HMCN2: variants seen among roughly 807,000 people sequenced by gnomAD.
HMCN2 encodes the protein hemicentin 2.
A neutral mutation model predicts 377.5 loss-of-function variants in HMCN2; 325 were observed. The observed-to-expected ratio is 0.86, with a 90% confidence interval of 0.79 to 0.94. The LOEUF (loss-of-function observed/expected upper bound fraction) is 0.94, where lower values mean the gene tolerates loss of function less well. HMCN2 is among the 40% of genes least tolerant of loss of function. The probability of loss-of-function intolerance (pLI) is 0.00; values close to 1 mark genes in which losing one functional copy is unlikely to be tolerated. For missense variants in HMCN2, 4,543 were observed against 4,725.3 expected (o/e 0.96, Z 1.13); for synonymous variants, 2,007 against 2,046.8 (o/e 0.98, Z 0.53).
chr9:130,312,472 A>C (rs966127866), intron 15 of HMCN2, among the ~76,000 whole-genome samples: 3 of 135,476 alleles, frequency 2.2e-5, no homozygotes. Flanking sequence ...TTATTTATTT[A>C]TTTCCTTTCT....
chr9:130,398,476 C>T (rs1842715966), intron 74 of HMCN2, 75 bp from the exon 75 acceptor site: 4 of 842,172 alleles, frequency 4.7e-6, no homozygotes, highest in Middle Eastern at 4.9e-4. Context: ...TGGCTTTGCC[C>T]CTGGGCACAG....
At chr9:130,349,458 G>A (rs765180620) in intron 28 of HMCN2, 79 bp from the exon 29 acceptor site, 191 of 1,262,462 alleles carry the variant, frequency 1.5e-4, no homozygotes, top group Non-Finnish European at 1.9e-4. Context: ...TGGGGGGTCT[G>A]CACAGACAAA....
Position 130,425,005 on chromosome 9 carries a change from G to T in HMCN2, c.13520-4G>T. 6.5e-7 allele frequency: 1 copy of T among 1,542,792 alleles called. No individual in the cohort carries two copies. The highest frequency in any genetic ancestry group is 8.8e-7 in the Non-Finnish European group (1 of 1,142,742). On this transcript the variant is annotated splice_polypyrimidine_tract_variant and splice_region_variant and intron_variant, in intron 88 of 97. Transcript: ENST00000683500. ...ACTCTGGGCTGGGTGGGGATGGTTT[G>T]CAGGGGAGCTGCTCACGATGACCCA...
In HMCN2 at chr9:130,356,203, C is replaced by T. The variant is rs761985027; in HGVS notation, c.5371C>T (p.Gln1791Ter). The T allele has an allele frequency of 1.2e-5, 16 of 1,303,288 alleles. No individual in the cohort carries two copies. In the Admixed American group the frequency reaches 3.7e-4, roughly 30 times the overall value. 80.7% of individuals were successfully genotyped at this position (1,303,288 alleles called of 1,614,324 possible). The change falls in exon 34 of 98, where the codon CAG becomes TAG. Residue 1791 changes from glutamine to a stop codon, truncating the protein, a stop_gained. Coordinates refer to ENST00000683500, the MANE Select transcript of HMCN2 (RefSeq NM_001291815.2). LOFTEE classifies it high-confidence loss of function. Reference protein sequence around the residue: ...ELDHSGLFACQATNEAGTAGA... With the variant: ...ELDHSGLFAC ...GGACCACTCAGGCCTCTTCGCCTGC[C>T]AGGCCACCAATGAGGCGGGCACTGC... is the stretch of plus-strand genomic sequence containing the variant.
intron 54 of HMCN2, among the ~76,000 whole-genome samples, chr9:130,381,561 GT>G (rs1215060932): frequency 6.6e-6 from 1 of 152,144 alleles, no homozygotes; most frequent in Non-Finnish European, 1.5e-5. Flanking sequence ...TAGAGATGGG[GT>G]TTCGCCGTGT....
chr9:130,390,733 G>C (rs1842276250), intron 62 of HMCN2, among the ~76,000 whole-genome samples: 1 of 152,118 alleles, frequency 6.6e-6, no homozygotes, highest in Non-Finnish European at 1.5e-5. Context: ...TAGAGGGGCA[G>C]GGCGGGGAGG....
rs1171901217 is a variant in HMCN2, at chr9:130,355,875, G to A, written c.5255+21G>A. 8.0e-6 allele frequency: 10 copies of A among 1,256,812 alleles called. 1 individual carries two copies. The South Asian group carries it at 1.3e-4, about 16-fold the overall frequency. 77.9% of individuals were successfully genotyped at this position (1,256,812 alleles called of 1,614,324 possible). A position where few individuals can be genotyped will look rare whatever the true frequency, so the allele number is the denominator to read the frequency against. ...ATCCAGTGAGTCTGGGGTGGTGGAGGCCAGGGCTGGGGGTAGGCAGAGAGC... is the reference window on the plus strand; with the variant it reads ...ATCCAGTGAGTCTGGGGTGGTGGAGACCAGGGCTGGGGGTAGGCAGAGAGC... On this transcript the variant is annotated intron_variant, in intron 33 of 97. Coordinates refer to ENST00000683500, the MANE Select transcript of HMCN2 (RefSeq NM_001291815.2).
chr9:130,406,964 C>A (rs1487655123), intron 82 of HMCN2: 1 of 153,356 alleles, frequency 6.5e-6, no homozygotes, highest in African/African-American at 2.4e-5. Context: ...TAGAATCCTT[C>A]TCTCGGCTGG....
Position 130,353,018 on chromosome 9 carries a change from G to T in HMCN2, c.4677G>T (p.Val1559=), listed in dbSNP as rs1839815556. The stretch of plus-strand genomic sequence containing the variant: ...AGCTCCTGTGTGAGGCTCGAGGAGT[G>T]CCCACCCCAAACATCACCTGGTTCA... ...LVQLLCEARG[V]PTPNITWFKD... is the part of the protein sequence containing the mutation. Residue 1559 remains valine (V), a synonymous_variant, in exon 31 of 98, where the codon GTG becomes GTT. Transcript: ENST00000683500. The T allele has an allele frequency of 7.7e-7, 1 of 1,304,114 alleles. No individual in the cohort carries two copies. 80.8% of individuals were successfully genotyped at this position (1,304,114 alleles called of 1,614,324 possible). A position where few individuals can be genotyped will look rare whatever the true frequency, so the allele number is the denominator to read the frequency against.
chr9:130,431,491 GCCGGGCTCAGGCCGCCGCCCA>G lies in HMCN2; in HGVS notation c.14767+6_14767+26del, dbSNP rs1844756452. 1 of 1,548,224 alleles carries G rather than the reference GCCGGGCTCAGGCCGCCGCCCA, an allele frequency of 6.5e-7. No individual in the cohort carries two copies. Among genetic ancestry groups the G allele is most frequent in the African/African-American group, 1.4e-5 (1 of 73,172 alleles). On this transcript the variant is annotated splice_donor_region_variant and intron_variant, in intron 96 of 97. Transcript: ENST00000683500. ...CCAGCGGGAAGAACTGCCAGGGTGA[GCCGGGCTCAGGCCGCCGCCCA>G]AACACCCGTGGGGCTAGGGCAGGCA...
intron 22 of HMCN2, among the ~76,000 whole-genome samples, chr9:130,335,155 C>T (rs921581902): frequency 1.3e-5 from 2 of 152,116 alleles, no homozygotes; most frequent in Non-Finnish European, 2.9e-5. Context: ...TCCAGAACTC[C>T]AGTTTCTAGC....
intron 73 of HMCN2, among the ~76,000 whole-genome samples, chr9:130,397,293 G>A (rs73551757): frequency 0.18 from 27,068 of 152,078 alleles, 3,103 homozygotes; most frequent in African/African-American, 0.32. Flanking sequence ...TCACTATCAC[G>A]AGATCAGCAC....
chr9:130,369,711 C>T lies in HMCN2; in HGVS notation c.6929C>T (p.Ala2310Val). The part of the protein sequence containing the change: ...TWERDGQPVG[A>V]ELGLQLQNQG... ...GAGCGGGACGGCCAGCCCGTGGGGGCTGAACTGGGCCTGCAGCTGCAGAAC... is the reference window on the plus strand; with the variant it reads ...GAGCGGGACGGCCAGCCCGTGGGGGTTGAACTGGGCCTGCAGCTGCAGAAC... Residue 2310 changes from alanine to valine, a missense_variant, in exon 45 of 98, where the codon GCT (alanine) becomes GTT (valine). Physicochemically the swap from Ala to Val is moderately conservative, Grantham distance 64. This residue lies in a region of HMCN2 where 1,032 missense variants were observed against 1,285.1 expected (regional missense o/e 0.80). Transcript: ENST00000683500. The surrounding 1 kb of genome is among the most constrained non-coding windows in gnomAD (Gnocchi z 4.5). The T allele has an allele frequency of 4.1e-6, 4 of 986,026 alleles. No individual in the cohort carries two copies. Among genetic ancestry groups the T allele is most frequent in the Non-Finnish European group, 4.8e-6 (4 of 830,042 alleles). The allele number at this position is 986,026 out of a possible 1,614,324, so 61.1% of individuals were successfully genotyped here. A position where few individuals can be genotyped will look rare whatever the true frequency, so the allele number is the denominator to read the frequency against.
intron 49 of HMCN2, among the ~76,000 whole-genome samples, chr9:130,375,215 G>A (rs1025809293): frequency 2.0e-5 from 3 of 152,298 alleles, no homozygotes; most frequent in South Asian, 4.1e-4. Flanking sequence ...TACTCAGCGG[G>A]GAACAAAGCC....
rs950070911 is a variant in HMCN2, at chr9:130,352,961, C to A, written c.4620C>A (p.Gly1540=). The A allele has an allele frequency of 1.7e-5, 22 of 1,300,330 alleles. No individual in the cohort carries two copies. The highest frequency in any genetic ancestry group is 2.0e-5 in the Non-Finnish European group (20 of 986,820). 80.5% of individuals were successfully genotyped at this position (1,300,330 alleles called of 1,614,324 possible). A position where few individuals can be genotyped will look rare whatever the true frequency, so the allele number is the denominator to read the frequency against. Residue 1540 remains glycine, a synonymous_variant, in exon 31 of 98, where the codon GGC becomes GGA. Transcript: ENST00000683500. ...PPTIWGSNET[G]EVAVMEDHLV... ...CTATCTGGGGCTCCAACGAGACAGG[C>A]GAGGTGGCCGTCATGGAGGACCACC... is the stretch of plus-strand genomic sequence containing the variant.
chr9:130,431,816 C>T (rs1315543936), intron 96 of HMCN2, among the ~76,000 whole-genome samples: 1 of 152,242 alleles, frequency 6.6e-6, no homozygotes, highest in Admixed American at 6.5e-5. Flanking sequence ...ATGGGGCTAG[C>T]ACAGTCCCCT....
At chr9:130,419,065 C>G in intron 86 of HMCN2, 24 bp downstream of exon 86, 1 of 1,467,890 alleles carries the variant, frequency 6.8e-7, no homozygotes, top group Non-Finnish European at 9.0e-7. Flanking sequence ...CTGTCTGGAC[C>G]TTCGTGGACA....
rs1001120745 is a variant in HMCN2 at position 130,430,459 on chromosome 9, A to G, written c.14502A>G (p.Leu4834=). The change falls in exon 95 of 98, where the codon CTA becomes CTG. Residue 4834 remains leucine, a synonymous_variant. Coordinates refer to ENST00000683500, the MANE Select transcript of HMCN2 (RefSeq NM_001291815.2). The part of the protein sequence containing the change: ...NVTTVSHRGP[L]LPWLRPWASI... The stretch of plus-strand genomic sequence containing the variant: ...CCACCGTCAGCCACCGAGGCCCTCT[A>G]TTGCCCTGGCTGCGGCCCTGGGCCT... 14 of 1,550,390 alleles carry G rather than the reference A, an allele frequency of 9.0e-6. No homozygotes were observed. Among genetic ancestry groups the G allele is most frequent in the African/African-American group, 5.5e-5 (4 of 73,030 alleles).
At chr9:130,277,761 CATCACCACCACCATCATCAT>C (rs1834786909) in intron 1 of HMCN2, among the ~76,000 whole-genome samples, 1 of 129,286 alleles carries the variant, frequency 7.7e-6, no homozygotes, top group African/African-American at 2.9e-5. Context: ...CCATCATCAT[CATCACCACCACCATCATCAT>C]CACCACCACC....
Sources: allele counts gnomAD v4.1 joint callset (sites outside exome capture counted in the v4.1 genomes callset), GRCh38; gene constraint gnomAD v4.1.1; regional missense constraint gnomAD v4.1.1; non-coding constraint Gnocchi (gnomAD v3.1); transcripts MANE v1.5; gene names NCBI Gene and HGNC (gene_info 2026-07-23, HGNC 2026-07-21).